Variants in SAMD12 observed in about 807,000 individuals in gnomAD.
The protein encoded by SAMD12 is sterile alpha motif domain-containing protein 12.
A neutral mutation model predicts 15.0 loss-of-function variants in SAMD12; 9 were observed. That is an observed-to-expected ratio of 0.60 (90% CI 0.36 to 1.05). The LOEUF is 1.05. Ranked by LOEUF, SAMD12 falls within the 50% of genes least tolerant of loss-of-function variation. The pLI, the probability that SAMD12 is intolerant of heterozygous loss-of-function variation, is 0.01. For synonymous variants in SAMD12, 86 were observed against 90.1 expected (o/e 0.96, Z 0.25); for missense variants, 230 against 234.2 (o/e 0.98, Z 0.12).
chr8:118,335,081 T>C (rs1442719045), intron 4 of SAMD12, among the ~76,000 whole-genome samples: 1 of 152,216 alleles, frequency 6.6e-6, no homozygotes, highest in Non-Finnish European at 1.5e-5. Context: ...TCTTGTGTCA[T>C]GTTGAAGGTC....
At chr8:118,591,588 G>A (rs1827586527) in intron 1 of SAMD12, among the ~76,000 whole-genome samples, 1 of 151,988 alleles carries the variant, frequency 6.6e-6, no homozygotes, top group Non-Finnish European at 1.5e-5. Context: ...ATAGTACCAT[G>A]CACTTTTAAA....
chr8:118,446,165 T>C (rs1822904618), intron 2 of SAMD12, among the ~76,000 whole-genome samples: 1 of 151,852 alleles, frequency 6.6e-6, no homozygotes, highest in African/African-American at 2.4e-5. Flanking sequence ...CCTGGGACCA[T>C]AAATTTGAGA....
At chr8:118,437,550 C>T (rs1238444204) in intron 3 of SAMD12, among the ~76,000 whole-genome samples, 1 of 152,076 alleles carries the variant, frequency 6.6e-6, no homozygotes, top group African/African-American at 2.4e-5. Flanking sequence ...ATTTAATTTT[C>T]ACGACATCTC....
At chr8:118,444,226 C>T (rs748494866) in intron 2 of SAMD12, among the ~76,000 whole-genome samples, 1 of 146,546 alleles carries the variant, frequency 6.8e-6, no homozygotes, top group Non-Finnish European at 1.5e-5. Flanking sequence ...ATTAAAAAAA[C>T]ATTTGCCCCA....
intron 4 of SAMD12, chr8:118,197,813 C>A: frequency 8.2e-7 from 1 of 1,223,250 alleles, no homozygotes; most frequent in South Asian, 1.2e-5. Flanking sequence ...TTATCTTATT[C>A]AAACAAACCC....
rs146423985 is a variant in SAMD12 at position 118,452,068 on chromosome 8, C to T, written c.193-12107G>A. Reference sequence around the variant, plus strand: ...GGATTAGTGTTCTCATAAGAGACCTCAGAGAGCTCGCTCTCTGTCCACCAC... The same window carrying T: ...GGATTAGTGTTCTCATAAGAGACCTTAGAGAGCTCGCTCTCTGTCCACCAC... On this transcript the variant is annotated intron_variant, in intron 2 of 3. Transcript: ENST00000314727. Among the ~76,000 whole-genome samples the T allele has an allele frequency of 2.6e-5, 4 of 152,232 alleles. No homozygotes were observed. The East Asian group carries it at 7.7e-4, about 29-fold the overall frequency.
chr8:118,374,796 A>G (rs1018979662), downstream of SAMD12, among the ~76,000 whole-genome samples: 1 of 151,016 alleles, frequency 6.6e-6, no homozygotes, highest in East Asian at 1.9e-4. Flanking sequence ...CTCTATTTGA[A>G]TCCTTTGCTT....
intron 4 of SAMD12, among the ~76,000 whole-genome samples, chr8:118,309,822 G>C (rs554142805): frequency 2.8e-4 from 43 of 152,078 alleles, no homozygotes; most frequent in Non-Finnish European, 4.0e-4. Context: ...TCTGTCTTGT[G>C]TTGCCACAAT....
intron 2 of SAMD12, among the ~76,000 whole-genome samples, chr8:118,440,957 G>T (rs1233113047): frequency 1.3e-5 from 2 of 152,024 alleles, no homozygotes; most frequent in Non-Finnish European, 2.9e-5. Flanking sequence ...CTGTTTGAAG[G>T]CTCCTGGGTG....
intron 4 of SAMD12, among the ~76,000 whole-genome samples, chr8:118,212,970 C>T (rs1047747542): frequency 1.3e-5 from 2 of 152,120 alleles, no homozygotes; most frequent in African/African-American, 4.8e-5. Flanking sequence ...AGATACCTAA[C>T]AAACCTCAAA....
At chr8:118,153,527 A>ACT in the SAMD12 span, among the ~76,000 whole-genome samples, 2 of 152,168 alleles carry the variant, frequency 1.3e-5, no homozygotes, top group East Asian at 3.9e-4. Context: ...AAGAGAGAAA[A>ACT]AGCCAACTTA....
intron 4 of SAMD12, among the ~76,000 whole-genome samples, chr8:118,270,206 A>G (rs145146071): frequency 1.2e-4 from 19 of 152,308 alleles, no homozygotes; most frequent in Admixed American, 2.6e-4. Context: ...CCCTGTTAAT[A>G]CTAACTTCTT....
At chr8:118,527,747 T>C (rs970425022) in intron 2 of SAMD12, among the ~76,000 whole-genome samples, 1 of 152,188 alleles carries the variant, frequency 6.6e-6, no homozygotes, top group African/African-American at 2.4e-5. Flanking sequence ...CACTTATTCC[T>C]ACTTAATCTT....
intron 4 of SAMD12, among the ~76,000 whole-genome samples, chr8:118,336,314 T>G (rs1388814950): frequency 6.6e-6 from 1 of 152,218 alleles, no homozygotes; most frequent in Non-Finnish European, 1.5e-5. Context: ...CTCTCTTCTA[T>G]GGATAGGTCA....
chr8:118,330,569 G>A (rs1044930040), intron 4 of SAMD12, among the ~76,000 whole-genome samples: 1 of 152,118 alleles, frequency 6.6e-6, no homozygotes, highest in African/African-American at 2.4e-5. Context: ...CTGATCACAA[G>A]AGAAATACAA....
intron 3 of SAMD12, among the ~76,000 whole-genome samples, chr8:118,409,461 G>A (rs1467004325): frequency 1.6e-5 from 2 of 128,640 alleles, no homozygotes; most frequent in Non-Finnish European, 3.1e-5. Flanking sequence ...TTTCATTATG[G>A]TGTATATTTG....
chr8:118,170,187 G>T, the SAMD12 span, among the ~76,000 whole-genome samples: 5 of 152,148 alleles, frequency 3.3e-5, no homozygotes, highest in South Asian at 2.1e-4. Flanking sequence ...TCTCATTTGG[G>T]GAAACGATTG....
At chr8:118,576,674 T>G (rs2131248616) in intron 2 of SAMD12, among the ~76,000 whole-genome samples, 1 of 152,312 alleles carries the variant, frequency 6.6e-6, no homozygotes, top group Non-Finnish European at 1.5e-5. Context: ...TGAGAAGGAC[T>G]TCAGTCTCCC....
At chr8:118,533,996 T>G (rs1041719443) in intron 2 of SAMD12, among the ~76,000 whole-genome samples, 4 of 152,218 alleles carry the variant, frequency 2.6e-5, no homozygotes, top group African/African-American at 9.7e-5. Context: ...TGATGTTAGC[T>G]TGTTATTTTG....
Sources: gnomAD v4.1 joint callset for allele counts (sites outside exome capture counted in the v4.1 genomes callset) on GRCh38, gnomAD v4.1.1 for gene constraint, MANE v1.5 for transcripts, NCBI Gene and HGNC (gene_info 2026-07-23, HGNC 2026-07-21) for gene names.